AKIP1: variants seen among roughly 807,000 people sequenced by gnomAD.
AKIP1 encodes the protein A-kinase interacting protein 1.
AKIP1 carries 18 observed loss-of-function variants against 22.3 expected under a neutral mutation model. The observed-to-expected ratio is 0.81, with a 90% confidence interval of 0.56 to 1.19. AKIP1 has a LOEUF of 1.19. Ranked by LOEUF, AKIP1 falls within the 50% of genes most tolerant of loss-of-function variation. The pLI, the probability that AKIP1 is intolerant of heterozygous loss-of-function variation, is 0.00. For missense variants in AKIP1, 287 were observed against 264.6 expected (o/e 1.08, Z -0.59); for synonymous variants, 120 against 102.7 (o/e 1.17, Z -1.02).
In AKIP1 at chr11:8,919,448, G is replaced by A; in HGVS notation, c.601G>A (p.Gly201Arg). The A allele has an allele frequency of 6.2e-7, 1 of 1,614,164 alleles. No individual in the cohort carries two copies. Among genetic ancestry groups the A allele is most frequent in the Non-Finnish European group, 8.5e-7 (1 of 1,180,022 alleles). ...GACTCATGTGGTAGCAGTTGATTCT[G>A]GACAAAGCGTGGACCTGGTCTTCCC... ...KKTHVVAVDS[G>R]QSVDLVFPV The change falls in exon 6 of 6, where the codon GGA (glycine) becomes AGA (arginine). Residue 201 changes from glycine (G) to arginine (R), a missense_variant. Coordinates refer to ENST00000309377, the MANE Select transcript of AKIP1 (RefSeq NM_020642.4).
At chr11:8,914,623 A>T (rs1000255119) in intron 3 of AKIP1, among the ~76,000 whole-genome samples, 20 of 152,168 alleles carry the variant, frequency 1.3e-4, no homozygotes, top group African/African-American at 4.8e-4. Context: ...CAGCACGGGG[A>T]TGCCAAATGC....
intron 3 of AKIP1, among the ~76,000 whole-genome samples, chr11:8,912,871 C>CT (rs71059196): frequency 0.013 from 1,195 of 92,868 alleles, 87 homozygotes; most frequent in Middle Eastern, 0.035. Flanking sequence ...TTTTTTTTAA[C>CT]TTTTTTTTTT....
At chr11:8,915,770 G>A (rs2064474330) in intron 4 of AKIP1, among the ~76,000 whole-genome samples, 1 of 150,930 alleles carries the variant, frequency 6.6e-6, no homozygotes, top group South Asian at 2.1e-4. Flanking sequence ...CAAGTAGCTG[G>A]GACTACGTGC....
In AKIP1 at chr11:8,911,561, G is replaced by T. The variant is rs762546108; in HGVS notation, c.112G>T (p.Asp38Tyr). 9.3e-6 allele frequency: 15 copies of T among 1,611,408 alleles called. No homozygotes were observed. Among genetic ancestry groups the T allele is most frequent in the Non-Finnish European group, 1.2e-5 (14 of 1,179,126 alleles). Residue 38 changes from aspartate (D) to tyrosine (Y), a missense_variant, in exon 2 of 6, where the codon GAC becomes TAC. By Grantham distance (160) the Asp-to-Tyr change is radical. Transcript: ENST00000309377. ...VLERAKRRAV[D>Y]WHALERPKGC... Reference sequence around the variant, plus strand: ...GGAGAGGGCCAAGAGGAGGGCGGTGGACTGGCATGCCCTGGAGCGTCCCAA... The same window carrying T: ...GGAGAGGGCCAAGAGGAGGGCGGTGTACTGGCATGCCCTGGAGCGTCCCAA...
chr11:8,917,376 G>A lies in AKIP1; in HGVS notation c.489+9G>A, dbSNP rs186784524. The stretch of plus-strand genomic sequence containing the variant: ...CAGAGGCATCCCAGCCTGTGAGTAC[G>A]GAACTGCTTACGCACTGGGTTTCAC... On this transcript the variant is annotated intron_variant, in intron 5 of 5. Coordinates refer to ENST00000309377, the MANE Select transcript of AKIP1 (RefSeq NM_020642.4). 10 of 1,611,340 alleles carry A rather than the reference G, an allele frequency of 6.2e-6. No individual in the cohort carries two copies. In the Admixed American group the frequency reaches 1.0e-4, roughly 16 times the overall value.
rs748504704 is a variant in AKIP1 at position 8,912,483 on chromosome 11, T to C, written c.253T>C (p.Ser85Pro). 10 of 1,614,122 alleles carry C rather than the reference T, an allele frequency of 6.2e-6. No individual in the cohort carries two copies. In the South Asian group the frequency reaches 1.1e-4, roughly 18 times the overall value. The change falls in exon 3 of 6, where the codon TCC (serine) becomes CCC (proline). Residue 85 changes from serine to proline, a missense_variant. Transcript: ENST00000309377. ...AGAGAGACCCCCAACCCTTAGTGCT[T>C]CCTTCAGAACAATGGCTGAATTCAT... ...REERPPTLSA[S>P]FRTMAEFMDY...
chr11:8,911,708 C>G lies in AKIP1; in HGVS notation c.222+37C>G, dbSNP rs775073142. ...TGTGCCGGGGGCCGCCCCAGTCCTTCGCGCCGCGGTAGCCCGCTGGGAGCC... is the reference window on the plus strand; with the variant it reads ...TGTGCCGGGGGCCGCCCCAGTCCTTGGCGCCGCGGTAGCCCGCTGGGAGCC... On this transcript the variant is annotated intron_variant, in intron 2 of 5. Coordinates refer to ENST00000309377, the MANE Select transcript of AKIP1 (RefSeq NM_020642.4). 99 of 1,464,314 alleles carry G rather than the reference C, an allele frequency of 6.8e-5. 1 individual carries two copies. The South Asian group carries it at 1.3e-3, about 20-fold the overall frequency. 90.7% of individuals were successfully genotyped at this position (1,464,314 alleles called of 1,614,324 possible).
Position 8,919,761 on chromosome 11 carries a change from C to T in AKIP1, c.*281C>T, listed in dbSNP as rs978815709. 3 of 254,070 alleles carry T rather than the reference C, an allele frequency of 1.2e-5. No individual in the cohort carries two copies. The highest frequency in any genetic ancestry group is 4.5e-5 in the African/African-American group (2 of 44,590). The allele number at this position is 254,070 out of a possible 1,614,324, so 15.7% of individuals were successfully genotyped here. A position where few individuals can be genotyped will look rare whatever the true frequency, so the allele number is the denominator to read the frequency against. On this transcript the variant is annotated 3_prime_UTR_variant, in exon 6 of 6. Coordinates refer to ENST00000309377, the MANE Select transcript of AKIP1 (RefSeq NM_020642.4). ...ACACCATTCTCCTGCCTCAGCCTCC[C>T]GAGTAGCTGGCACTACAGGCACCCG...
chr11:8,915,286 C>G (rs550468254), intron 4 of AKIP1, among the ~76,000 whole-genome samples: 1 of 151,552 alleles, frequency 6.6e-6, no homozygotes, highest in Non-Finnish European at 1.5e-5. Context: ...GCAACATAGA[C>G]CCTTTCTCTA....
intron 2 of AKIP1, among the ~76,000 whole-genome samples, chr11:8,911,963 C>T (rs924768591): frequency 1.1e-4 from 17 of 150,626 alleles, no homozygotes; most frequent in Admixed American, 6.6e-5. Flanking sequence ...TTTGGGAGGC[C>T]GAGGCGGGCG....
rs960244527 is a variant in AKIP1 at position 8,919,277 on chromosome 11, G to C, written c.490-60G>C. On this transcript the variant is annotated intron_variant, in intron 5 of 5. Transcript: ENST00000309377. The stretch of plus-strand genomic sequence containing the variant: ...TGCAAGGACAGGTAGCCTGCTGGGG[G>C]GCCATGGTGGCACTGGGGTATAAAA... The C allele has an allele frequency of 7.2e-6, 11 of 1,523,118 alleles. No individual in the cohort carries two copies. The African/African-American group carries it at 1.5e-4, about 21-fold the overall frequency. 94.4% of individuals were successfully genotyped at this position (1,523,118 alleles called of 1,614,324 possible).
chr11:8,918,857 G>A (rs2064528585), intron 5 of AKIP1, among the ~76,000 whole-genome samples: 1 of 152,174 alleles, frequency 6.6e-6, no homozygotes, highest in African/African-American at 2.4e-5. Flanking sequence ...AAATTGTTCT[G>A]AGCTTTAGGA....
At chr11:8,911,245 CGG>C in intron 1 of AKIP1, 22 bp downstream of exon 1, 1 of 576,200 alleles carries the variant, frequency 1.7e-6, no homozygotes, top group South Asian at 2.2e-5. Flanking sequence ...CCCTAAGTAG[CGG>C]AAGGGGTAGA....
In AKIP1 at chr11:8,919,661, C is replaced by G. The variant is rs746696345; in HGVS notation, c.*181C>G. Reference sequence around the variant, plus strand: ...TTGTTTGGTTGGTTTTTTTTTGAGACAGTCTCACTCTGTTGCCCAGGCTGG... The same window carrying G: ...TTGTTTGGTTGGTTTTTTTTTGAGAGAGTCTCACTCTGTTGCCCAGGCTGG... On this transcript the variant is annotated 3_prime_UTR_variant, in exon 6 of 6. Transcript: ENST00000309377. 6.3e-6 allele frequency: 4 copies of G among 636,080 alleles called. No individual in the cohort carries two copies. The highest frequency in any genetic ancestry group is 1.0e-5 in the Non-Finnish European group (4 of 382,726). The allele number at this position is 636,080 out of a possible 1,614,324, so 39.4% of individuals were successfully genotyped here. A position where few individuals can be genotyped will look rare whatever the true frequency, so the allele number is the denominator to read the frequency against.
intron 4 of AKIP1, among the ~76,000 whole-genome samples, chr11:8,915,732 A>G (rs572158484): frequency 6.9e-6 from 1 of 145,722 alleles, no homozygotes; most frequent in South Asian, 2.2e-4. Flanking sequence ...TCTGCCTCCC[A>G]GGTTCAGACA....
At chr11:8,917,151 C>A in intron 4 of AKIP1, 136 bp from the exon 5 acceptor site, 1 of 563,138 alleles carries the variant, frequency 1.8e-6, no homozygotes, top group Non-Finnish European at 3.2e-6. Context: ...CTTAAAAATG[C>A]CTTAATGACT....
At chr11:8,914,413 C>G (rs1280354863) in intron 3 of AKIP1, among the ~76,000 whole-genome samples, 1 of 152,202 alleles carries the variant, frequency 6.6e-6, no homozygotes, top group Non-Finnish European at 1.5e-5. Context: ...GGAAAATGTA[C>G]CCCTCTCTTC....
At chr11:8,912,648 C>T (rs943999395) in intron 3 of AKIP1, 115 bp downstream of exon 3, 6 of 924,884 alleles carry the variant, frequency 6.5e-6, no homozygotes, top group African/African-American at 3.3e-5. Flanking sequence ...CCAGCCTTCA[C>T]GGTCAGATTG....
intron 4 of AKIP1, among the ~76,000 whole-genome samples, chr11:8,916,663 C>G: frequency 6.6e-6 from 1 of 152,132 alleles, no homozygotes; most frequent in East Asian, 1.9e-4. Flanking sequence ...AGTGCACACT[C>G]GAAGCACCTC....
Sources: allele counts gnomAD v4.1 joint callset (sites outside exome capture counted in the v4.1 genomes callset), GRCh38; gene constraint gnomAD v4.1.1; transcripts MANE v1.5; gene names NCBI Gene and HGNC (gene_info 2026-07-23, HGNC 2026-07-21).